Variants in CSMD3 observed in about 807,000 individuals in gnomAD.
CSMD3 encodes the protein CUB and Sushi multiple domains 3, also known as CUB and sushi domain-containing protein 3.
In CSMD3, 177 loss-of-function variants were observed where a neutral mutation model predicts 435.2. That is an observed-to-expected ratio of 0.41 (90% CI 0.36 to 0.46). CSMD3 has a LOEUF of 0.46. Among genes scored for constraint, CSMD3 ranks in the 20% least tolerant of loss-of-function variants. The pLI is 0.34. For synonymous variants in CSMD3, 1,656 were observed against 1,520.5 expected (o/e 1.09, Z -2.07); for missense variants, 4,265 against 4,504.6 (o/e 0.95, Z 1.52).
chr8:113,060,382 T>C (rs1433583270), intron 5 of CSMD3, among the ~76,000 whole-genome samples: 1 of 151,042 alleles, frequency 6.6e-6, no homozygotes, highest in African/African-American at 2.4e-5. Context: ...ATTTTCTTAA[T>C]CCAGTCTATC....
At chr8:112,612,191 C>A (rs1483502374) in intron 22 of CSMD3, among the ~76,000 whole-genome samples, 1 of 152,168 alleles carries the variant, frequency 6.6e-6, no homozygotes, top group Non-Finnish European at 1.5e-5. Flanking sequence ...AGAAAAAAAT[C>A]TCATTTCATT....
intron 3 of CSMD3, among the ~76,000 whole-genome samples, chr8:113,195,104 T>C (rs563892296): frequency 2.0e-5 from 3 of 151,412 alleles, no homozygotes; most frequent in Non-Finnish European, 3.0e-5. Flanking sequence ...TGTCCTTATA[T>C]TGTCTTTTAT....
chr8:112,509,442 G>A (rs1731606669), intron 28 of CSMD3, among the ~76,000 whole-genome samples: 1 of 152,020 alleles, frequency 6.6e-6, no homozygotes, highest in Non-Finnish European at 1.5e-5. Context: ...CTCAACCATT[G>A]CCCCAATACA....
intron 2 of CSMD3, chr8:113,312,412 A>G (rs893930240): frequency 1.3e-5 from 2 of 152,174 alleles, no homozygotes; most frequent in African/African-American, 4.8e-5. Context: ...TGTATTCCCC[A>G]TAAAATCTCT....
chr8:112,760,560 T>G (rs952971544), intron 13 of CSMD3, among the ~76,000 whole-genome samples: 1 of 152,232 alleles, frequency 6.6e-6, no homozygotes, highest in African/African-American at 2.4e-5. Context: ...AGATTTATAA[T>G]ATTTGCTAAT....
intron 10 of CSMD3, among the ~76,000 whole-genome samples, chr8:112,901,994 A>G (rs962973809): frequency 6.6e-6 from 1 of 151,294 alleles, no homozygotes; most frequent in African/African-American, 2.4e-5. Flanking sequence ...CATATATTAC[A>G]TGCTTGTATT....
At chr8:112,569,950 T>C (rs1437977122) in intron 24 of CSMD3, among the ~76,000 whole-genome samples, 1 of 152,168 alleles carries the variant, frequency 6.6e-6, no homozygotes, top group East Asian at 1.9e-4. Context: ...TCTGTCAATG[T>C]GAGTACTGTG....
At chr8:112,645,951 C>T (rs1447113652) in intron 19 of CSMD3, among the ~76,000 whole-genome samples, 1 of 152,070 alleles carries the variant, frequency 6.6e-6, no homozygotes. Context: ...CTAGTGTGAG[C>T]AGAGAATTTG....
At chr8:112,764,377 T>C (rs2077922889) in intron 13 of CSMD3, among the ~76,000 whole-genome samples, 1 of 151,416 alleles carries the variant, frequency 6.6e-6, no homozygotes, top group African/African-American at 2.4e-5. Context: ...AAATAAACAG[T>C]GAGTTTCAGG....
In CSMD3 at chr8:112,911,995, A is replaced by G. The variant is rs1367798648; in HGVS notation, c.1633+9632T>C. On this transcript the variant is annotated intron_variant, in intron 10 of 70. Transcript: ENST00000297405. ...TGCTTTTATACCTTCCTTTCCTGTCATATGTTATCATCTACTGATAATCTA... is the reference window on the plus strand; with the variant it reads ...TGCTTTTATACCTTCCTTTCCTGTCGTATGTTATCATCTACTGATAATCTA... Among the ~76,000 whole-genome samples, 3 of 149,326 alleles carry G rather than the reference A, an allele frequency of 2.0e-5. No individual in the cohort carries two copies. In the East Asian group the frequency reaches 5.9e-4, roughly 29 times the overall value.
intron 45 of CSMD3, among the ~76,000 whole-genome samples, chr8:112,333,609 TTG>T (rs374221515): frequency 1.2e-3 from 181 of 152,254 alleles, no homozygotes; most frequent in African/African-American, 4.0e-3. Flanking sequence ...CACTAAGATT[TTG>T]TGTTTATGTA....
At chr8:112,553,972 T>C (rs1229909288) in intron 25 of CSMD3, among the ~76,000 whole-genome samples, 1 of 152,026 alleles carries the variant, frequency 6.6e-6, no homozygotes, top group African/African-American at 2.4e-5. Context: ...AGTTGACTTG[T>C]AGGCCTCATC....
intron 22 of CSMD3, among the ~76,000 whole-genome samples, chr8:112,630,942 T>TCA (rs5894090): frequency 0.13 from 18,291 of 140,310 alleles, 1,185 homozygotes; most frequent in East Asian, 0.2. Flanking sequence ...ACATCAGTAT[T>TCA]CACACACACA....
intron 10 of CSMD3, among the ~76,000 whole-genome samples, chr8:112,918,182 T>G (rs1222365517): frequency 6.6e-6 from 1 of 151,934 alleles, no homozygotes; most frequent in Non-Finnish European, 1.5e-5. Context: ...CTCATGTTCA[T>G]AAGTGTTGAA....
At chr8:113,169,027 A>C (rs1354848503) in intron 4 of CSMD3, among the ~76,000 whole-genome samples, 1 of 152,080 alleles carries the variant, frequency 6.6e-6, no homozygotes, top group Non-Finnish European at 1.5e-5. Flanking sequence ...TACTAGGCTA[A>C]AGCTTCCTAC....
At chr8:112,528,758 CAG>C (rs1273357074) in intron 27 of CSMD3, among the ~76,000 whole-genome samples, 5 of 152,138 alleles carry the variant, frequency 3.3e-5, no homozygotes, top group African/African-American at 1.2e-4. Flanking sequence ...ACCCTCTCGC[CAG>C]ACTCCTCACC....
chr8:112,584,858 G>C (rs1421966031), intron 23 of CSMD3, among the ~76,000 whole-genome samples: 1 of 151,550 alleles, frequency 6.6e-6, no homozygotes, highest in Non-Finnish European at 1.5e-5. Context: ...TAAAGTACTG[G>C]AGATGGGGAT....
At chr8:112,634,712 A>G (rs541287334) in intron 22 of CSMD3, among the ~76,000 whole-genome samples, 2 of 152,174 alleles carry the variant, frequency 1.3e-5, no homozygotes, top group African/African-American at 2.4e-5. Context: ...AATATATCAT[A>G]AATATAAACT....
At chr8:113,342,386 T>G (rs1480617754) in intron 1 of CSMD3, among the ~76,000 whole-genome samples, 1 of 152,172 alleles carries the variant, frequency 6.6e-6, no homozygotes, top group Non-Finnish European at 1.5e-5. Context: ...GAAAGCTGAA[T>G]TATTTCTACA....
Sources: allele counts gnomAD v4.1 joint callset (sites outside exome capture counted in the v4.1 genomes callset), GRCh38; gene constraint gnomAD v4.1.1; transcripts MANE v1.5; gene names NCBI Gene and HGNC (gene_info 2026-07-23, HGNC 2026-07-21).